CACNA1C: variants seen among roughly 807,000 people sequenced by gnomAD.
CACNA1C encodes voltage-dependent L-type calcium channel subunit alpha-1C.
CACNA1C carries 30 observed loss-of-function variants against 229.0 expected under a neutral mutation model. The ratio of observed to expected loss-of-function variants is 0.13; its 90% CI spans 0.10 to 0.18. CACNA1C has a LOEUF of 0.18. Ranked by LOEUF, CACNA1C falls within the 10% of genes least tolerant of loss-of-function variation. The pLI is 1.00. For missense variants in CACNA1C, 1,658 were observed against 2,845.0 expected, an observed-to-expected ratio of 0.58 and a Z score of 9.49; for synonymous variants, 1,114 against 1,132.5, an observed-to-expected ratio of 0.98 and a Z score of 0.33.
intron 3 of CACNA1C, among the ~76,000 whole-genome samples, chr12:2,130,151 T>A (rs1199343641): frequency 6.6e-6 from 1 of 151,296 alleles, no homozygotes; most frequent in African/African-American, 2.4e-5. Context: ...ATGGTCCGTG[T>A]GTTAACTCAT....
At chr12:2,006,102 G>A (rs865934307) in intron 1 of CACNA1C, among the ~76,000 whole-genome samples, 9 of 152,248 alleles carry the variant, frequency 5.9e-5, no homozygotes, top group African/African-American at 2.2e-4. Context: ...GTTCTCTGAG[G>A]GAGTCCTTAA....
chr12:2,297,115 C>G (rs1035909413), intron 3 of CACNA1C, among the ~76,000 whole-genome samples: 1 of 152,162 alleles, frequency 6.6e-6, no homozygotes, highest in African/African-American at 2.4e-5. Flanking sequence ...AGAAACCGCT[C>G]AGTAATAGAA....
intron 3 of CACNA1C, among the ~76,000 whole-genome samples, chr12:2,353,168 T>C (rs1228025104): frequency 6.6e-6 from 1 of 152,188 alleles, no homozygotes; most frequent in African/African-American, 2.4e-5. Context: ...GTTGGGATGC[T>C]GGGGGCTGTT....
At chr12:2,482,304 A>G (rs563321801) in intron 5 of CACNA1C, among the ~76,000 whole-genome samples, 1 of 152,330 alleles carries the variant, frequency 6.6e-6, no homozygotes, top group East Asian at 1.9e-4. Flanking sequence ...TCACTGCTTT[A>G]TAGACTCAGG....
chr12:2,356,021 A>C (rs886677795), intron 3 of CACNA1C, among the ~76,000 whole-genome samples: 1 of 152,204 alleles, frequency 6.6e-6, no homozygotes, highest in Non-Finnish European at 1.5e-5. Flanking sequence ...CATTGCATTT[A>C]GTTGGACACT....
intron 3 of CACNA1C, among the ~76,000 whole-genome samples, chr12:2,364,598 G>A (rs2283303): frequency 0.34 from 51,798 of 151,886 alleles, 9,140 homozygotes; most frequent in Non-Finnish European, 0.4. Flanking sequence ...AAAGCAGAAC[G>A]TTTAAATACA....
At chr12:2,092,764 C>T (rs2071817805) in intron 1 of CACNA1C, among the ~76,000 whole-genome samples, 1 of 152,078 alleles carries the variant, frequency 6.6e-6, no homozygotes, top group South Asian at 2.1e-4. Flanking sequence ...CCTGTTTTAC[C>T]GATAAGAAAG....
At chr12:2,119,454 G>A (rs116121257) in intron 2 of CACNA1C, among the ~76,000 whole-genome samples, 2,035 of 152,260 alleles carry the variant, frequency 0.013, 36 homozygotes, top group African/African-American at 0.046. Flanking sequence ...TGGTCCCGTC[G>A]GAAGGGGTAT....
chr12:2,655,911 C>T (rs748326837), intron 34 of CACNA1C, among the ~76,000 whole-genome samples: 51 of 152,196 alleles, frequency 3.4e-4, no homozygotes, highest in Non-Finnish European at 6.2e-4. Context: ...ATGATAAAAA[C>T]TCTCAACAAA....
intron 1 of CACNA1C, among the ~76,000 whole-genome samples, chr12:2,056,639 C>T (rs926034909): frequency 6.6e-6 from 1 of 152,090 alleles, no homozygotes; most frequent in Non-Finnish European, 1.5e-5. Context: ...ACTTTCTTTA[C>T]AAATGGTCAG....
At chr12:2,236,066 T>C (rs1293228995) in intron 3 of CACNA1C, among the ~76,000 whole-genome samples, 1 of 152,184 alleles carries the variant, frequency 6.6e-6, no homozygotes, top group Admixed American at 6.5e-5. Context: ...GGCTTCAGAG[T>C]CCACTTGGCT....
At chr12:2,612,171 C>T (rs2078163758) in intron 29 of CACNA1C, 158 bp downstream of exon 29, 1 of 595,172 alleles carries the variant, frequency 1.7e-6, no homozygotes, top group African/African-American at 1.8e-5. Flanking sequence ...ACTCCTACAC[C>T]TGCCCAGAGC....
chr12:2,594,667 C>T (rs2067180809), intron 19 of CACNA1C, among the ~76,000 whole-genome samples: 1 of 152,158 alleles, frequency 6.6e-6, no homozygotes, highest in Non-Finnish European at 1.5e-5. Context: ...CCAATACCTC[C>T]AGTCTTTGGA....
At chr12:2,127,090 G>A (rs909663274) in intron 3 of CACNA1C, among the ~76,000 whole-genome samples, 2 of 152,202 alleles carry the variant, frequency 1.3e-5, no homozygotes, top group Non-Finnish European at 2.9e-5. Context: ...AAGAGCCCCA[G>A]AGGGAGAGCA....
rs115364995 is a variant in CACNA1C, at chr12:2,033,047, G to C, written c.139+61846G>C. ...TAGGGGGTGGTGGAGTAAAATGCCA[G>C]GTGAGCCTATGACACTGACAGGCAG... On this transcript the variant is annotated intron_variant, in intron 1 of 46. Transcript: ENST00000682462. 5.8e-3 allele frequency among the ~76,000 whole-genome samples: 890 copies of C among 152,284 alleles called. 6 individuals carry two copies. Among genetic ancestry groups the C allele is most frequent in the African/African-American group, 0.02 (845 of 41,552 alleles).
chr12:2,316,264 G>A (rs2095684797), intron 3 of CACNA1C, among the ~76,000 whole-genome samples: 1 of 152,248 alleles, frequency 6.6e-6, no homozygotes, highest in Non-Finnish European at 1.5e-5. Context: ...ATGGTCTTGA[G>A]AAAGTGCCTG....
intron 13 of CACNA1C, among the ~76,000 whole-genome samples, chr12:2,576,262 G>A (rs553177090): frequency 1.3e-5 from 2 of 152,310 alleles, no homozygotes; most frequent in East Asian, 3.9e-4. Flanking sequence ...TCCAGCAGCT[G>A]GAGAATGGGA....
intron 3 of CACNA1C, among the ~76,000 whole-genome samples, chr12:2,135,620 G>A (rs1469958485): frequency 2.9e-5 from 4 of 140,144 alleles, no homozygotes; most frequent in South Asian, 2.2e-4. Flanking sequence ...AGGCTGCTCA[G>A]GGGTCAGGGG....
intron 3 of CACNA1C, among the ~76,000 whole-genome samples, chr12:2,316,437 A>G (rs763023222): frequency 1.2e-4 from 18 of 152,204 alleles, no homozygotes; most frequent in Admixed American, 1.2e-3. Context: ...AACATTTGTC[A>G]GGTATCTACT....
Sources: allele counts gnomAD v4.1 joint callset (sites outside exome capture counted in the v4.1 genomes callset), GRCh38; gene constraint gnomAD v4.1.1; transcripts MANE v1.5; gene names NCBI Gene and HGNC (gene_info 2026-07-23, HGNC 2026-07-21).